Variants in CCDC33 observed in about 807,000 individuals in gnomAD.
CCDC33 encodes coiled-coil domain containing 33, also known as coiled-coil domain-containing protein 33.
In CCDC33, 94 loss-of-function variants were observed where a neutral mutation model predicts 91.9. The ratio of observed to expected loss-of-function variants is 1.02; its 90% confidence interval spans 0.87 to 1.21. The LOEUF is 1.21. CCDC33 is among the 50% of genes most tolerant of loss of function. CCDC33 has a pLI of 0.00. For missense variants in CCDC33, 940 were observed against 935.5 expected, an observed-to-expected ratio of 1.00 and a Z score of -0.06; for synonymous variants, 396 against 374.5, an observed-to-expected ratio of 1.06 and a Z score of -0.66.
chr15:74,237,339 T>C (rs2075196536), intron 1 of CCDC33, among the ~76,000 whole-genome samples: 1 of 152,220 alleles, frequency 6.6e-6, no homozygotes, highest in Non-Finnish European at 1.5e-5. Context: ...AATCTCAGTG[T>C]GATGAGATGT....
At chr15:74,309,792 C>T (rs1484335891) in intron 11 of CCDC33, among the ~76,000 whole-genome samples, 1 of 152,156 alleles carries the variant, frequency 6.6e-6, no homozygotes, top group African/African-American at 2.4e-5. Flanking sequence ...TCCAGACCCC[C>T]CAAGTCCTCC....
At chr15:74,214,873 T>C (rs138690693), upstream of CCDC33, among the ~76,000 whole-genome samples, 3 of 152,346 alleles carry the variant, frequency 2.0e-5, no homozygotes, top group Non-Finnish European at 4.4e-5. Flanking sequence ...AGAAGCTGGG[T>C]TGAATTTCTT....
chr15:74,243,405 C>T (rs1428631508), intron 1 of CCDC33, among the ~76,000 whole-genome samples: 8 of 152,164 alleles, frequency 5.3e-5, no homozygotes, highest in Admixed American at 2.0e-4. Flanking sequence ...AGGACACCTG[C>T]GAAAGCTAAG....
chr15:74,209,559 G>GA (rs2074337464), intron 2 of CCDC33: 2 of 890,196 alleles, frequency 2.2e-6, no homozygotes, highest in Non-Finnish European at 1.7e-6. Flanking sequence ...CAGGGGAAGT[G>GA]AAAAAGGCCC....
chr15:74,246,683 G>A (rs2075540881), intron 2 of CCDC33, among the ~76,000 whole-genome samples: 2 of 152,204 alleles, frequency 1.3e-5, no homozygotes, highest in South Asian at 4.1e-4. Context: ...TGGTGCGGGT[G>A]TGGAGAAAAG....
At chr15:74,277,258 G>C (rs769026996) in intron 7 of CCDC33, among the ~76,000 whole-genome samples, 14 of 152,222 alleles carry the variant, frequency 9.2e-5, no homozygotes, top group Non-Finnish European at 1.5e-4. Flanking sequence ...GGTTGAGGCA[G>C]ACCCAGACCC....
chr15:74,332,363 G>A (rs2060457287), intron 15 of CCDC33, among the ~76,000 whole-genome samples: 2 of 152,322 alleles, frequency 1.3e-5, no homozygotes, highest in African/African-American at 4.8e-5. Context: ...GGCAACCTAG[G>A]GAGGGGAAAC....
At chr15:74,310,959 C>T (rs527770524) in intron 11 of CCDC33, among the ~76,000 whole-genome samples, 3 of 152,308 alleles carry the variant, frequency 2.0e-5, no homozygotes, top group African/African-American at 7.2e-5. Flanking sequence ...TCTGGGGTGG[C>T]CTGGAGCCTG....
chr15:74,328,618 A>G (rs188453281), intron 11 of CCDC33, among the ~76,000 whole-genome samples: 4 of 152,306 alleles, frequency 2.6e-5, no homozygotes, highest in Admixed American at 2.6e-4. Context: ...AGTGCTGGAG[A>G]GATGAACCTG....
intron 10 of CCDC33, among the ~76,000 whole-genome samples, chr15:74,295,428 C>T (rs1201402232): frequency 6.6e-6 from 1 of 151,286 alleles, no homozygotes; most frequent in Non-Finnish European, 1.5e-5. Context: ...AGTGTAGGGA[C>T]CCTCTGAGCA....
Position 74,272,810 on chromosome 15 carries a change from G to C in CCDC33, c.678G>C (p.Leu226=). The C allele has an allele frequency of 1.2e-6, 2 of 1,614,192 alleles. No homozygotes were observed. The highest frequency in any genetic ancestry group is 1.7e-6 in the Non-Finnish European group (2 of 1,180,000). Reference sequence around the variant, plus strand: ...ACAGGGACCTGGCCTCTGTGGGGCTGCCCATCACCCCACTGTCCTTCCCTA... The same window carrying C: ...ACAGGGACCTGGCCTCTGTGGGGCTCCCCATCACCCCACTGTCCTTCCCTA... ...QANRDLASVG[L]PITPLSFPIP... The change falls in exon 7 of 19, where the codon CTG becomes CTC. Residue 226 remains leucine, a synonymous_variant. Coordinates refer to ENST00000398814, the MANE Select transcript of CCDC33 (RefSeq NM_025055.5).
At position 74,268,397 on chromosome 15, in the gene CCDC33, C is replaced by T. The variant is rs758496615; in HGVS notation, c.485C>T (p.Thr162Ile). The T allele has an allele frequency of 2.5e-6, 4 of 1,608,852 alleles. No homozygotes were observed. In the Admixed American group the frequency reaches 5.0e-5, roughly 20 times the overall value. ...EATAKTQLYA[T>I]VVRKSSFIPR... ...ACTGCCAAGACCCAGTTGTACGCAA[C>T]AGTCGTTCGGAAGAGCAGCTTCATA... is the stretch of plus-strand genomic sequence containing the variant. Residue 162 changes from threonine to isoleucine, a missense_variant, in exon 5 of 19, where the codon ACA becomes ATA. Physicochemically the swap from Thr to Ile is moderately conservative, Grantham distance 89. Transcript: ENST00000398814.
At chr15:74,257,455 C>T (rs2075902161) in intron 2 of CCDC33, among the ~76,000 whole-genome samples, 2 of 152,184 alleles carry the variant, frequency 1.3e-5, no homozygotes, top group African/African-American at 4.8e-5. Flanking sequence ...TGGGCACAAC[C>T]CCCTGCCCAG....
In CCDC33 at chr15:74,281,840, T is replaced by G. The variant is rs762945546; in HGVS notation, c.1086T>G (p.Leu362=). The change falls in exon 10 of 19, where the codon CTT becomes CTG. Residue 362 remains leucine (L), a synonymous_variant. Transcript: ENST00000398814. Reference sequence around the variant, plus strand: ...CAGTGGCTCTCTCCTTCCAGCTGCTTTCCTCTGAGGTAAGGCTGTGGGCCA... The same window carrying G: ...CAGTGGCTCTCTCCTTCCAGCTGCTGTCCTCTGAGGTAAGGCTGTGGGCCA... ...APTVALSFQL[L]SSERPENFLT... 4 of 1,613,784 alleles carry G rather than the reference T, an allele frequency of 2.5e-6. No homozygotes were observed. The Admixed American group carries it at 6.7e-5, about 27-fold the overall frequency.
At chr15:74,293,331 C>T (rs1441946900) in intron 10 of CCDC33, among the ~76,000 whole-genome samples, 1 of 152,170 alleles carries the variant, frequency 6.6e-6, no homozygotes, top group Admixed American at 6.5e-5. Flanking sequence ...CACCACAGCC[C>T]CAGGGGCCAC....
intron 9 of CCDC33, among the ~76,000 whole-genome samples, chr15:74,281,262 G>A (rs2059358019): frequency 6.6e-6 from 1 of 152,238 alleles, no homozygotes; most frequent in African/African-American, 2.4e-5. Context: ...CAGACTGTCT[G>A]GGTCCAAATT....
At chr15:74,322,196 T>G (rs761171333) in intron 11 of CCDC33, among the ~76,000 whole-genome samples, 1 of 152,240 alleles carries the variant, frequency 6.6e-6, no homozygotes, top group Non-Finnish European at 1.5e-5. Flanking sequence ...TGTTATCATT[T>G]AAAACGATAA....
At chr15:74,223,793 CACAGCAG>C (rs1595887096) in intron 2 of CCDC33, among the ~76,000 whole-genome samples, 1 of 151,726 alleles carries the variant, frequency 6.6e-6, no homozygotes, top group African/African-American at 2.4e-5. Flanking sequence ...CACACACACA[CACAGCAG>C]ACAGCAGACA....
intron 10 of CCDC33, among the ~76,000 whole-genome samples, chr15:74,286,313 G>C (rs181446208): frequency 4.0e-4 from 61 of 152,224 alleles, no homozygotes; most frequent in African/African-American, 1.2e-3. Flanking sequence ...CACACACACA[G>C]AAACCTTTGG....
Sources: allele counts gnomAD v4.1 joint callset (sites outside exome capture counted in the v4.1 genomes callset), GRCh38; gene constraint gnomAD v4.1.1; transcripts MANE v1.5; gene names NCBI Gene and HGNC (gene_info 2026-07-23, HGNC 2026-07-21).